ZMAT3: variants seen among roughly 807,000 people sequenced by gnomAD.
The protein encoded by ZMAT3 is zinc finger matrin-type protein 3.
A neutral mutation model predicts 32.3 loss-of-function variants in ZMAT3; 17 were observed. The observed-to-expected ratio is 0.53, with a 90% CI of 0.36 to 0.79. The LOEUF is 0.79. Ranked by LOEUF, ZMAT3 falls within the 30% of genes least tolerant of loss-of-function variation. The probability of loss-of-function intolerance (pLI) is 0.00; values close to 1 mark genes in which losing one functional copy is unlikely to be tolerated. For missense variants in ZMAT3, 329 were observed against 359.7 expected (o/e 0.91, Z 0.69); for synonymous variants, 120 against 133.1 (o/e 0.90, Z 0.68).
rs923122301 is a variant in ZMAT3, at chr3:179,046,568, G to T, written c.271-15569C>A. ...CGTGGGACAGCTGAGGAACTGAGTC[G>T]GCCTGCTTTCTCAGCTGGGAGGCTT... On this transcript the variant is annotated intron_variant, in intron 2 of 5. Transcript: ENST00000311417. The surrounding 1 kb of genome is among the most constrained non-coding windows in gnomAD (Gnocchi z 4.3). 2.6e-5 allele frequency among the ~76,000 whole-genome samples: 4 copies of T among 152,142 alleles called. No individual in the cohort carries two copies. The East Asian group carries it at 5.8e-4, about 22-fold the overall frequency.
Position 179,047,739 on chromosome 3 carries a change from G to C in ZMAT3, c.271-16740C>G, listed in dbSNP as rs1256090587. Among the ~76,000 whole-genome samples the C allele has an allele frequency of 2.6e-5, 4 of 151,574 alleles. No individual in the cohort carries two copies. In the South Asian group the frequency reaches 8.3e-4, roughly 31 times the overall value. On this transcript the variant is annotated intron_variant, in intron 2 of 5. Coordinates refer to ENST00000311417, the MANE Select transcript of ZMAT3 (RefSeq NM_022470.4). ...CCGGATGTGGTGGTGCTCGCCTATA[G>C]TCTCAGCTACTCAGGAGGCTGAAGC...
At chr3:179,059,684 G>A (rs573645766) in intron 2 of ZMAT3, among the ~76,000 whole-genome samples, 10 of 152,198 alleles carry the variant, frequency 6.6e-5, no homozygotes, top group East Asian at 1.9e-4. Flanking sequence ...CCCATTCTCC[G>A]ATGTTAATGA....
intron 2 of ZMAT3, among the ~76,000 whole-genome samples, chr3:179,056,034 T>C (rs1193440596): frequency 6.6e-6 from 1 of 152,040 alleles, no homozygotes; most frequent in Non-Finnish European, 1.5e-5. Flanking sequence ...AGCCTATGAA[T>C]TACTCAATGA....
At chr3:179,030,852 C>G (rs1459562907) in intron 3 of ZMAT3, 28 bp downstream of exon 3, 1 of 1,598,480 alleles carries the variant, frequency 6.3e-7, no homozygotes, top group African/African-American at 1.3e-5. Flanking sequence ...CACCCTAATG[C>G]TGCTTCACCC....
rs1282703071 is a variant in ZMAT3, at chr3:179,067,648, T to C, written c.105A>G (p.Pro35=). The change falls in exon 2 of 6, where the codon CCA becomes CCG. Residue 35 remains proline, a synonymous_variant. Coordinates refer to ENST00000311417, the MANE Select transcript of ZMAT3 (RefSeq NM_022470.4). The stretch of plus-strand genomic sequence containing the variant: ...AAGCCTCCTGCCCAAAAGGCTTCTG[T>C]GGTGGAAGCTGCAAGGTTCCTGTAG... ...TRSTGTLQLP[P]QKPFGQEASL... 1.2e-6 allele frequency: 2 copies of C among 1,614,138 alleles called. No homozygotes were observed. The highest frequency in any genetic ancestry group is 1.7e-6 in the Non-Finnish European group (2 of 1,180,024).
chr3:179,035,519 C>T (rs1478076050), intron 2 of ZMAT3, among the ~76,000 whole-genome samples: 1 of 152,208 alleles, frequency 6.6e-6, no homozygotes, highest in Non-Finnish European at 1.5e-5. Flanking sequence ...CTCCACACCA[C>T]ACACACTCCA....
At chr3:179,031,053 C>A in intron 2 of ZMAT3, 54 bp from the exon 3 acceptor site, 1 of 1,529,394 alleles carries the variant, frequency 6.5e-7, no homozygotes, top group South Asian at 1.3e-5. Flanking sequence ...GCAGTTTCAG[C>A]AATTTCAGTT....
intron 2 of ZMAT3, among the ~76,000 whole-genome samples, chr3:179,032,952 CCT>C (rs1350467178): frequency 6.6e-6 from 1 of 151,756 alleles, no homozygotes; most frequent in Non-Finnish European, 1.5e-5. Flanking sequence ...AATTGAGGAG[CCT>C]CTCTGCCCGG....
At chr3:179,064,875 T>C (rs915885198) in intron 2 of ZMAT3, among the ~76,000 whole-genome samples, 4 of 143,284 alleles carry the variant, frequency 2.8e-5, no homozygotes, top group African/African-American at 1.0e-4. Context: ...ACTCTGTTTA[T>C]TATTCTGATC....
intron 2 of ZMAT3, among the ~76,000 whole-genome samples, chr3:179,034,010 C>T (rs1331861011): frequency 6.6e-6 from 1 of 152,194 alleles, no homozygotes; most frequent in Non-Finnish European, 1.5e-5. Flanking sequence ...TTTCTCATCA[C>T]GTTTTATTAG....
At chr3:179,033,914 G>GCC (rs1303670249) in intron 2 of ZMAT3, among the ~76,000 whole-genome samples, 1 of 152,164 alleles carries the variant, frequency 6.6e-6, no homozygotes, top group African/African-American at 2.4e-5. Flanking sequence ...CCTGAGACAG[G>GCC]CCTTCCAAAT....
intron 2 of ZMAT3, among the ~76,000 whole-genome samples, chr3:179,055,144 A>C (rs1269705206): frequency 6.6e-6 from 1 of 152,106 alleles, no homozygotes; most frequent in Non-Finnish European, 1.5e-5. Flanking sequence ...GATGGGAAAC[A>C]TTCCCCCCAA....
chr3:179,070,926 A>G (rs1012979986), intron 1 of ZMAT3, among the ~76,000 whole-genome samples: 2 of 152,178 alleles, frequency 1.3e-5, no homozygotes, highest in Admixed American at 6.5e-5. Context: ...GGAGAAATCT[A>G]CAGAGGAAAG....
At chr3:179,042,924 C>T (rs188819709) in intron 2 of ZMAT3, among the ~76,000 whole-genome samples, 13 of 152,234 alleles carry the variant, frequency 8.5e-5, no homozygotes, top group Admixed American at 2.0e-4. Context: ...TCCTATACAC[C>T]AATAACAGAC....
At chr3:179,069,861 T>C (rs1422837431) in intron 1 of ZMAT3, among the ~76,000 whole-genome samples, 1 of 152,150 alleles carries the variant, frequency 6.6e-6, no homozygotes, top group Non-Finnish European at 1.5e-5. Context: ...TCTGGGAACA[T>C]AAAAGAAAAG....
intron 2 of ZMAT3, among the ~76,000 whole-genome samples, chr3:179,044,039 G>A (rs920366454): frequency 6.6e-6 from 1 of 152,154 alleles, no homozygotes; most frequent in Non-Finnish European, 1.5e-5. Flanking sequence ...ATTCACACCA[G>A]TTAGAATGGC....
intron 2 of ZMAT3, among the ~76,000 whole-genome samples, chr3:179,050,017 A>AAAG (rs1720462670): frequency 6.9e-6 from 1 of 144,088 alleles, no homozygotes; most frequent in African/African-American, 2.5e-5. Flanking sequence ...AAAAAAAAAA[A>AAAG]GCCAAGCCTA....
At chr3:179,058,520 G>T (rs997615003) in intron 2 of ZMAT3, among the ~76,000 whole-genome samples, 19 of 152,320 alleles carry the variant, frequency 1.2e-4, no homozygotes, top group Middle Eastern at 3.4e-3. Flanking sequence ...ACTTTGGGAG[G>T]CCGAGGCGGG....
At chr3:179,033,208 A>G (rs1719385774) in intron 2 of ZMAT3, among the ~76,000 whole-genome samples, 1 of 152,226 alleles carries the variant, frequency 6.6e-6, no homozygotes, top group South Asian at 2.1e-4. Flanking sequence ...GCTCTCTGAA[A>G]CATGTGCTGT....
Sources: gnomAD v4.1 joint callset for allele counts (sites outside exome capture counted in the v4.1 genomes callset) on GRCh38, gnomAD v4.1.1 for gene constraint, Gnocchi (gnomAD v3.1) non-coding constraint, MANE v1.5 for transcripts, NCBI Gene and HGNC (gene_info 2026-07-23, HGNC 2026-07-21) for gene names.